Variants in ESRRB observed in about 807,000 individuals in gnomAD.
ESRRB encodes the protein steroid hormone receptor ERR2.
In ESRRB, 16 loss-of-function variants were observed where a neutral mutation model predicts 46.0. The ratio of observed to expected loss-of-function variants is 0.35; its 90% CI spans 0.24 to 0.53. The LOEUF is 0.53. ESRRB is among the 20% of genes least tolerant of loss of function. The pLI is 0.93. For missense variants in ESRRB, 488 were observed against 607.4 expected (o/e 0.80, Z 2.07); for synonymous variants, 246 against 259.6 (o/e 0.95, Z 0.50).
chr14:76,480,169 C>T (rs1595160354), intron 3 of ESRRB, among the ~76,000 whole-genome samples: 2 of 152,276 alleles, frequency 1.3e-5, no homozygotes, highest in Middle Eastern at 3.4e-3. Flanking sequence ...AGGGGAATTA[C>T]CTTTAAACAG....
intron 1 of ESRRB, among the ~76,000 whole-genome samples, chr14:76,342,845 C>T (rs938317409): frequency 7.2e-5 from 11 of 152,178 alleles, no homozygotes; most frequent in African/African-American, 2.7e-4. Flanking sequence ...GTGACAGGTC[C>T]TGGGATCACA....
chr14:76,320,027 G>A lies in ESRRB; in HGVS notation c.2+9111G>A, dbSNP rs543314705. Among the ~76,000 whole-genome samples the A allele has an allele frequency of 9.9e-5, 15 of 152,206 alleles. No homozygotes were observed. In the East Asian group the frequency reaches 2.5e-3, roughly 26 times the overall value. ...AGGAGAAAATGGATATATGCTCATT[G>A]GGATATCATCTGTACTCAACTGCCA... On this transcript the variant is annotated intron_variant, in intron 1 of 6. Coordinates refer to the ESRRB transcript ENST00000512784.
intron 1 of ESRRB, among the ~76,000 whole-genome samples, chr14:76,406,781 C>T (rs1349765434): frequency 6.6e-6 from 1 of 152,152 alleles, no homozygotes; most frequent in Non-Finnish European, 1.5e-5. Context: ...ACCAGTGCCC[C>T]ATCCTTGCCC....
chr14:76,382,853 T>A (rs1340725964), intron 1 of ESRRB, among the ~76,000 whole-genome samples: 10 of 152,156 alleles, frequency 6.6e-5, no homozygotes, highest in East Asian at 3.9e-4. Context: ...AAAAAAAAAA[T>A]GTCTTTCCTT....
intron 1 of ESRRB, among the ~76,000 whole-genome samples, chr14:76,319,551 A>T (rs1790861679): frequency 1.3e-5 from 2 of 152,324 alleles, no homozygotes; most frequent in Non-Finnish European, 2.9e-5. Context: ...TATTTACTCT[A>T]GGGCACTCAA....
intron 6 of ESRRB, among the ~76,000 whole-genome samples, chr14:76,494,452 G>T: frequency 6.6e-6 from 1 of 151,928 alleles, no homozygotes; most frequent in Non-Finnish European, 1.5e-5. Flanking sequence ...GATTACAGGC[G>T]CCTGCCACCA....
rs921915484 is a variant in ESRRB at position 76,400,938 on chromosome 14, G to A, written c.50+24487G>A. Among the ~76,000 whole-genome samples the A allele has an allele frequency of 8.5e-5, 13 of 152,176 alleles. 1 individual carries two copies. The highest frequency in any genetic ancestry group is 8.8e-5 in the Non-Finnish European group (6 of 68,028). On this transcript the variant is annotated intron_variant, in intron 1 of 6. Transcript: ENST00000644823. ...CTGGTTTAAGCAGCACCGAGAGTGT[G>A]GTCCTCTCGCTCTCCCTGATTGTGC...
chr14:76,486,980 G>A (rs1595167552), intron 5 of ESRRB, among the ~76,000 whole-genome samples: 1 of 152,230 alleles, frequency 6.6e-6, no homozygotes, highest in Middle Eastern at 3.4e-3. Context: ...AAGAATCTGT[G>A]GTTTTAGTAA....
intron 1 of ESRRB, among the ~76,000 whole-genome samples, chr14:76,337,210 G>C (rs1245291812): frequency 1.3e-5 from 2 of 152,184 alleles, no homozygotes; most frequent in East Asian, 1.9e-4. Context: ...AAAGGTGCCA[G>C]TGAGAGACAG....
At chr14:76,497,577 G>A (rs1039686801) in intron 6 of ESRRB, among the ~76,000 whole-genome samples, 3 of 152,194 alleles carry the variant, frequency 2.0e-5, no homozygotes, top group African/African-American at 7.2e-5. Flanking sequence ...CCATCACCGT[G>A]CCTCATGCCG....
chr14:76,413,625 T>A (rs1215791169), intron 1 of ESRRB, among the ~76,000 whole-genome samples: 1 of 152,176 alleles, frequency 6.6e-6, no homozygotes, highest in African/African-American at 2.4e-5. Context: ...TGCTTTGAGA[T>A]CCTTCATTGT....
At chr14:76,425,323 A>C (rs1307788149) in intron 1 of ESRRB, among the ~76,000 whole-genome samples, 1 of 152,208 alleles carries the variant, frequency 6.6e-6, no homozygotes, top group Non-Finnish European at 1.5e-5. Context: ...CATTCTGAGC[A>C]AGATGTAAAT....
At chr14:76,352,011 C>CAAAAAAAAAAAAAAAAAAAAAAAAAA (rs1884319857) in intron 1 of ESRRB, among the ~76,000 whole-genome samples, 1 of 109,052 alleles carries the variant, frequency 9.2e-6, no homozygotes, top group East Asian at 2.4e-4. Flanking sequence ...AAAAAAAAAG[C>CAAAAAAAAAAAAAAAAAAAAAAAAAA]AAACTCCAAG....
upstream of ESRRB, among the ~76,000 whole-genome samples, chr14:76,373,831 G>A (rs1044910547): frequency 3.8e-4 from 58 of 152,302 alleles, no homozygotes; most frequent in African/African-American, 1.4e-3. Context: ...GAACCTTAGA[G>A]GCAGAGAATA....
At position 76,465,471 on chromosome 14, in the gene ESRRB, C is replaced by T. The variant is rs113963579; in HGVS notation, c.577+2810C>T. Among the ~76,000 whole-genome samples the T allele has an allele frequency of 1.9e-4, 29 of 152,212 alleles. 1 individual carries two copies. The highest frequency in any genetic ancestry group is 7.0e-4 in the African/African-American group (29 of 41,534). ...GGAGGTGGTGAGGCCCACAATTGAC[C>T]GGTGGCCACTCAGACATCCAGACTG... On this transcript the variant is annotated intron_variant, in intron 3 of 6. Coordinates refer to ENST00000644823, the MANE Select transcript of ESRRB (RefSeq NM_001379180.1).
intron 1 of ESRRB, among the ~76,000 whole-genome samples, chr14:76,391,387 A>G (rs1209692601): frequency 6.6e-6 from 1 of 152,196 alleles, no homozygotes; most frequent in Non-Finnish European, 1.5e-5. Context: ...TCAGATACAC[A>G]CAGTTCCCAG....
At chr14:76,412,819 T>C (rs1023572965) in intron 1 of ESRRB, among the ~76,000 whole-genome samples, 49 of 152,112 alleles carry the variant, frequency 3.2e-4, no homozygotes, top group African/African-American at 1.2e-3. Context: ...AAGGACAGGA[T>C]TGTGAAGCAG....
chr14:76,463,613 A>C (rs952638708), intron 3 of ESRRB, among the ~76,000 whole-genome samples: 7 of 151,128 alleles, frequency 4.6e-5, no homozygotes, highest in African/African-American at 1.7e-4. Context: ...CGCCCGGCTA[A>C]TTTTTTTGTA....
upstream of ESRRB, among the ~76,000 whole-genome samples, chr14:76,370,575 T>C (rs1042231669): frequency 2.0e-5 from 3 of 152,188 alleles, no homozygotes; most frequent in Non-Finnish European, 2.9e-5. Flanking sequence ...GTTCAATGCC[T>C]CTTAGCTACC....
Sources: gnomAD v4.1 joint callset for allele counts (sites outside exome capture counted in the v4.1 genomes callset) on GRCh38, gnomAD v4.1.1 for gene constraint, MANE v1.5 for transcripts, NCBI Gene and HGNC (gene_info 2026-07-23, HGNC 2026-07-21) for gene names.